MEGF10: variants seen among roughly 807,000 people sequenced by gnomAD.
MEGF10 encodes multiple epidermal growth factor-like domains protein 10.
In MEGF10, 86 loss-of-function variants were observed where a neutral mutation model predicts 147.5. That is an observed-to-expected ratio of 0.58 (90% CI 0.49 to 0.70). MEGF10 has a LOEUF of 0.70. MEGF10 is among the 30% of genes least tolerant of loss of function. MEGF10 has a pLI of 0.00. For missense variants in MEGF10, 1,329 were observed against 1,487.3 expected, an observed-to-expected ratio of 0.89 and a Z score of 1.75; for synonymous variants, 478 against 525.5, an observed-to-expected ratio of 0.91 and a Z score of 1.24.
At chr5:127,391,054 G>A (rs191134018) in intron 5 of MEGF10, among the ~76,000 whole-genome samples, 106 of 150,380 alleles carry the variant, frequency 7.0e-4, no homozygotes, top group Admixed American at 5.0e-3. Context: ...AACGGTTATT[G>A]TCTTTATGTG....
chr5:127,309,947 C>CTCTCTCTTTCTTTCTTTCTTTCTT (rs1760190405), intron 1 of MEGF10, among the ~76,000 whole-genome samples: 1 of 90,396 alleles, frequency 1.1e-5, no homozygotes, highest in African/African-American at 4.5e-5. Context: ...TCCTTGCCAA[C>CTCTCTCTTTCTTTCTTTCTTTCTT]TCTTTCTTTC....
chr5:127,307,004 T>G (rs1760043904), intron 1 of MEGF10, among the ~76,000 whole-genome samples: 1 of 152,230 alleles, frequency 6.6e-6, no homozygotes, highest in African/African-American at 2.4e-5. Flanking sequence ...GATGCAGATT[T>G]CAAGGCCAAT....
At chr5:127,357,742 C>T (rs1393965084) in intron 4 of MEGF10, among the ~76,000 whole-genome samples, 2 of 152,020 alleles carry the variant, frequency 1.3e-5, no homozygotes, top group African/African-American at 4.8e-5. Context: ...TGATCTGATG[C>T]ATAATTGTAG....
the MEGF10 span, among the ~76,000 whole-genome samples, chr5:127,265,457 A>G: frequency 6.6e-6 from 1 of 152,080 alleles, no homozygotes; most frequent in East Asian, 1.9e-4. Flanking sequence ...GCTGGGTCAA[A>G]TGGTATTTCT....
At chr5:127,363,159 T>C (rs1475394241) in intron 4 of MEGF10, among the ~76,000 whole-genome samples, 1 of 152,202 alleles carries the variant, frequency 6.6e-6, no homozygotes, top group Non-Finnish European at 1.5e-5. Flanking sequence ...CTCCTCCTTA[T>C]ATAGATGGGT....
the MEGF10 span, among the ~76,000 whole-genome samples, chr5:127,277,374 G>T: frequency 1.5e-3 from 235 of 152,310 alleles, no homozygotes; most frequent in African/African-American, 5.4e-3. Flanking sequence ...TGGGCCTATT[G>T]TAACTGTATC....
At chr5:127,270,524 A>G in the MEGF10 span, among the ~76,000 whole-genome samples, 1 of 152,234 alleles carries the variant, frequency 6.6e-6, no homozygotes, top group South Asian at 2.1e-4. Flanking sequence ...ATTCAACAAG[A>G]AGAGCTAACT....
chr5:127,316,174 T>C (rs1027435805), intron 1 of MEGF10, among the ~76,000 whole-genome samples: 3 of 152,226 alleles, frequency 2.0e-5, no homozygotes, highest in Non-Finnish European at 4.4e-5. Flanking sequence ...CTTTATTACT[T>C]CCTGCTGGCT....
chr5:127,244,176 A>G, the MEGF10 span, among the ~76,000 whole-genome samples: 1 of 146,254 alleles, frequency 6.8e-6, no homozygotes, highest in South Asian at 2.3e-4. Flanking sequence ...AGCCTGGGCA[A>G]CAAGAGAGAA....
At chr5:127,424,312 C>A (rs112520263) in intron 13 of MEGF10, 1 of 703,316 alleles carries the variant, frequency 1.4e-6, no homozygotes. Context: ...AAATTGAAAT[C>A]CTTTTAAATT....
At chr5:127,414,759 C>T (rs1271551272) in intron 9 of MEGF10, among the ~76,000 whole-genome samples, 5 of 152,070 alleles carry the variant, frequency 3.3e-5, no homozygotes, top group East Asian at 3.9e-4. Flanking sequence ...ACCATGTGCC[C>T]GTGAAAGGTG....
the MEGF10 span, among the ~76,000 whole-genome samples, chr5:127,269,483 G>A: frequency 6.6e-6 from 1 of 152,218 alleles, no homozygotes; most frequent in African/African-American, 2.4e-5. Context: ...GGAAGAAAGG[G>A]TATCAGTGAT....
At chr5:127,418,105 T>C (rs1341061233) in intron 10 of MEGF10, among the ~76,000 whole-genome samples, 1 of 152,238 alleles carries the variant, frequency 6.6e-6, no homozygotes, top group Admixed American at 6.5e-5. Flanking sequence ...TTGTGTTTTA[T>C]AGGTGACAAA....
intron 1 of MEGF10, among the ~76,000 whole-genome samples, chr5:127,315,235 C>T (rs1300332698): frequency 6.6e-6 from 1 of 151,950 alleles, no homozygotes; most frequent in Non-Finnish European, 1.5e-5. Context: ...AGGTTTTTTC[C>T]CCATAAAAAC....
At position 127,424,292 on chromosome 5, in the gene MEGF10, T is replaced by G. The variant is rs1469665942; in HGVS notation, c.1693+1520T>G. On this transcript the variant is annotated intron_variant, in intron 13 of 24. Coordinates refer to ENST00000503335, the MANE Select transcript of MEGF10 (RefSeq NM_001256545.2). ...ATTATTGTAGCTTAGGAGGAAGCATTAAAACTGAGAAATTGAAATCCTTTT... is the reference window on the plus strand; with the variant it reads ...ATTATTGTAGCTTAGGAGGAAGCATGAAAACTGAGAAATTGAAATCCTTTT... The G allele has an allele frequency of 7.1e-6, 5 of 702,436 alleles. No individual in the cohort carries two copies. In the East Asian group the frequency reaches 1.3e-4, roughly 19 times the overall value. 43.5% of individuals were successfully genotyped at this position (702,436 alleles called of 1,614,324 possible).
intron 19 of MEGF10, chr5:127,445,105 A>G (rs531478033): frequency 5.5e-6 from 1 of 181,588 alleles, no homozygotes. Flanking sequence ...CTCTTTCTTT[A>G]TATTTTTTTA....
the MEGF10 span, among the ~76,000 whole-genome samples, chr5:127,256,894 G>A: frequency 1.5e-4 from 23 of 152,262 alleles, no homozygotes; most frequent in Admixed American, 9.2e-4. Flanking sequence ...AATGTGCCCT[G>A]GGGAGAATCA....
Position 127,339,110 on chromosome 5 carries a change from T to C in MEGF10, c.117-10T>C. 1.9e-6 allele frequency: 3 copies of C among 1,551,266 alleles called. No homozygotes were observed. The highest frequency in any genetic ancestry group is 2.6e-6 in the Non-Finnish European group (3 of 1,133,360). ...AAATACTGATTTCTTATTTTTCCATTTCTTTTCAGCTACTCAGTGACTGTG... is the reference window on the plus strand; with the variant it reads ...AAATACTGATTTCTTATTTTTCCATCTCTTTTCAGCTACTCAGTGACTGTG... On this transcript the variant is annotated splice_polypyrimidine_tract_variant and intron_variant, in intron 2 of 24. Transcript: ENST00000503335.
At chr5:127,322,031 G>T (rs540267707) in intron 1 of MEGF10, among the ~76,000 whole-genome samples, 2 of 150,942 alleles carry the variant, frequency 1.3e-5, no homozygotes, top group African/African-American at 4.9e-5. Context: ...TCAGAGGATT[G>T]GTCAAAGTGG....
Sources: gnomAD v4.1 joint callset for allele counts (sites outside exome capture counted in the v4.1 genomes callset) on GRCh38, gnomAD v4.1.1 for gene constraint, MANE v1.5 for transcripts, NCBI Gene and HGNC (gene_info 2026-07-23, HGNC 2026-07-21) for gene names.